Variants in EYS observed in about 807,000 individuals in gnomAD.
EYS encodes protein eyes shut homolog.
In EYS, 250 loss-of-function variants were observed where a neutral mutation model predicts 282.1. The observed-to-expected ratio is 0.89, with a 90% confidence interval of 0.80 to 0.98. The LOEUF (loss-of-function observed/expected upper bound fraction) is 0.98, where lower values mean the gene tolerates loss of function less well. EYS is among the 50% of genes least tolerant of loss of function. The probability of loss-of-function intolerance (pLI) is 0.00; values close to 1 mark genes in which losing one functional copy is unlikely to be tolerated. For missense variants in EYS, 4,016 were observed against 3,709.0 expected, an observed-to-expected ratio of 1.08 and a Z score of -2.15; for synonymous variants, 1,355 against 1,282.9, an observed-to-expected ratio of 1.06 and a Z score of -1.20.
intron 1 of EYS, among the ~76,000 whole-genome samples, chr6:65,646,615 C>T (rs1018666532): frequency 6.6e-5 from 10 of 152,212 alleles, no homozygotes; most frequent in African/African-American, 1.9e-4. Context: ...AACCAGAACA[C>T]GACTAGCATG....
At chr6:65,689,979 T>G (rs1769182506) in intron 1 of EYS, among the ~76,000 whole-genome samples, 1 of 149,912 alleles carries the variant, frequency 6.7e-6, no homozygotes, top group South Asian at 2.2e-4. Context: ...TATACCAGCA[T>G]TTATTACTAA....
chr6:65,652,421 G>C (rs1381115409), intron 1 of EYS, among the ~76,000 whole-genome samples: 1 of 151,930 alleles, frequency 6.6e-6, no homozygotes, highest in Non-Finnish European at 1.5e-5. Flanking sequence ...GGAGGAGACA[G>C]GAAGAGAAAG....
chr6:64,826,615 T>C (rs1040032014), intron 19 of EYS, among the ~76,000 whole-genome samples: 35 of 150,752 alleles, frequency 2.3e-4, no homozygotes, highest in African/African-American at 8.0e-4. Flanking sequence ...AGCAAAACAT[T>C]TTCGTGCATC....
chr6:64,989,274 A>G (rs2150121286), intron 14 of EYS, among the ~76,000 whole-genome samples: 1 of 150,108 alleles, frequency 6.7e-6, no homozygotes, highest in East Asian at 2.0e-4. Context: ...TTGGTTTTAA[A>G]GAGCACACTA....
chr6:65,642,416 A>C (rs545779996), intron 1 of EYS, among the ~76,000 whole-genome samples: 1 of 152,262 alleles, frequency 6.6e-6, no homozygotes, highest in Admixed American at 6.5e-5. Context: ...TGTTTGTTTC[A>C]GTCAACGGGG....
chr6:64,377,084 AATAGATAGATAG>A (rs745336445), intron 29 of EYS, among the ~76,000 whole-genome samples: 15 of 151,874 alleles, frequency 9.9e-5, no homozygotes, highest in Non-Finnish European at 1.5e-5. Context: ...TAGCTGGATG[AATAGATAGATAG>A]ATAGATAGAT....
intron 8 of EYS, among the ~76,000 whole-genome samples, chr6:65,363,508 G>T (rs1764794828): frequency 6.6e-6 from 1 of 151,658 alleles, no homozygotes; most frequent in South Asian, 2.1e-4. Context: ...CCACAACATT[G>T]TAAATGTTAT....
intron 31 of EYS, among the ~76,000 whole-genome samples, chr6:64,178,614 C>T (rs1375888544): frequency 2.0e-5 from 3 of 151,990 alleles, no homozygotes; most frequent in Non-Finnish European, 2.9e-5. Context: ...AGAGATGTGA[C>T]CTTTGGCCCA....
intron 35 of EYS, among the ~76,000 whole-genome samples, chr6:63,964,193 G>A (rs1766202012): frequency 6.6e-6 from 1 of 152,106 alleles, no homozygotes; most frequent in Admixed American, 6.6e-5. Flanking sequence ...ATGAACTTAT[G>A]TTCACATCAG....
intron 30 of EYS, among the ~76,000 whole-genome samples, chr6:64,302,000 G>C (rs760365735): frequency 6.6e-6 from 1 of 152,172 alleles, no homozygotes; most frequent in African/African-American, 2.4e-5. Context: ...AGAACCTTGA[G>C]ACAGCGCTAA....
chr6:65,054,604 T>A (rs552034874), intron 13 of EYS, among the ~76,000 whole-genome samples: 2 of 152,058 alleles, frequency 1.3e-5, no homozygotes, highest in Non-Finnish European at 2.9e-5. Context: ...TATAAGAATA[T>A]AAACTGAATT....
intron 12 of EYS, among the ~76,000 whole-genome samples, chr6:65,178,926 T>C (rs984330585): frequency 1.2e-4 from 19 of 152,032 alleles, no homozygotes; most frequent in Non-Finnish European, 2.5e-4. Flanking sequence ...ACCGCTCAAC[T>C]ACATGGAAAC....
intron 29 of EYS, among the ~76,000 whole-genome samples, chr6:64,332,219 A>T (rs1025128370): frequency 9.2e-5 from 14 of 152,128 alleles, no homozygotes; most frequent in African/African-American, 3.1e-4. Context: ...ACCCCTACTA[A>T]ATTAACCGGG....
intron 34 of EYS, among the ~76,000 whole-genome samples, chr6:63,985,978 G>C (rs932552982): frequency 6.6e-6 from 1 of 151,802 alleles, no homozygotes; most frequent in African/African-American, 2.4e-5. Flanking sequence ...TGTCAGCAGA[G>C]TAAATAGACA....
At chr6:64,115,719 G>A (rs1394219389) in intron 31 of EYS, among the ~76,000 whole-genome samples, 1 of 152,158 alleles carries the variant, frequency 6.6e-6, no homozygotes, top group Non-Finnish European at 1.5e-5. Context: ...AGTGCAAAAA[G>A]TCTTGAAGAA....
At chr6:64,531,879 C>G (rs763186212) in intron 26 of EYS, among the ~76,000 whole-genome samples, 29 of 152,104 alleles carry the variant, frequency 1.9e-4, no homozygotes, top group Non-Finnish European at 3.8e-4. Context: ...CTTCATTGAG[C>G]ACACTGAAAG....
At chr6:63,937,340 C>T (rs535902957) in intron 35 of EYS, among the ~76,000 whole-genome samples, 3 of 46,088 alleles carry the variant, frequency 6.5e-5, no homozygotes, top group Admixed American at 5.7e-4. Flanking sequence ...AGGCTTCTCT[C>T]TTTTCTTTTT....
chr6:64,158,200 T>C (rs1163433554), intron 31 of EYS, among the ~76,000 whole-genome samples: 1 of 152,240 alleles, frequency 6.6e-6, no homozygotes, highest in East Asian at 1.9e-4. Flanking sequence ...TCTGTCTCTT[T>C]TCCACTAGGA....
rs565304891 is a variant in EYS, at chr6:64,076,021, T to C, written c.6571+5835A>G. ...TTGTCCATGGCTGCTTTCAGGCTAC[T>C]ATGGCAGAGTTGAACTTGTGCAGCT... is the stretch of plus-strand genomic sequence containing the variant. On this transcript the variant is annotated intron_variant, in intron 32 of 42. Coordinates refer to ENST00000503581, the MANE Select transcript of EYS (RefSeq NM_001142800.2). Among the ~76,000 whole-genome samples, 8 of 152,108 alleles carry C rather than the reference T, an allele frequency of 5.3e-5. No individual in the cohort carries two copies. The South Asian group carries it at 1.7e-3, about 32-fold the overall frequency.
Sources: allele counts gnomAD v4.1 joint callset (sites outside exome capture counted in the v4.1 genomes callset), GRCh38; gene constraint gnomAD v4.1.1; transcripts MANE v1.5; gene names NCBI Gene and HGNC (gene_info 2026-07-23, HGNC 2026-07-21).